FSTL5: variants seen among roughly 807,000 people sequenced by gnomAD.
FSTL5 encodes the protein follistatin like 5.
A neutral mutation model predicts 89.1 loss-of-function variants in FSTL5; 62 were observed. The observed-to-expected ratio is 0.70, with a 90% confidence interval of 0.57 to 0.86. The LOEUF (loss-of-function observed/expected upper bound fraction) is 0.86. Ranked by LOEUF, FSTL5 falls within the 40% of genes least tolerant of loss-of-function variation. The probability of loss-of-function intolerance (pLI) is 0.00; values close to 1 mark genes in which losing one functional copy is unlikely to be tolerated. For missense variants in FSTL5, 1,057 were observed against 1,001.6 expected, an observed-to-expected ratio of 1.06 and a Z score of -0.75; for synonymous variants, 383 against 346.2, an observed-to-expected ratio of 1.11 and a Z score of -1.18.
At chr4:162,069,792 G>A (rs1729526824) in intron 2 of FSTL5, among the ~76,000 whole-genome samples, 2 of 151,820 alleles carry the variant, frequency 1.3e-5, no homozygotes, top group African/African-American at 4.8e-5. Flanking sequence ...CCATTTATCT[G>A]TTGGCAGACA....
intron 6 of FSTL5, among the ~76,000 whole-genome samples, chr4:161,686,338 ATATATATATTTTTTTTTTTTT>A (rs1737739798): frequency 1.3e-4 from 1 of 7,922 alleles, no homozygotes; most frequent in African/African-American, 3.9e-4. Flanking sequence ...ATATATATAT[ATATATATATTTTTTTTTTTTT>A]TTTTTTTTTT....
chr4:161,750,717 TG>T (rs1392065809), intron 6 of FSTL5, among the ~76,000 whole-genome samples: 20 of 152,284 alleles, frequency 1.3e-4, no homozygotes, highest in Non-Finnish European at 2.9e-4. Flanking sequence ...AAAAAATTTC[TG>T]TATGGTCTCA....
chr4:161,472,015 T>G (rs1296224791), intron 13 of FSTL5, among the ~76,000 whole-genome samples: 3 of 151,706 alleles, frequency 2.0e-5, no homozygotes, highest in Non-Finnish European at 4.4e-5. Context: ...CTCGCTCTGT[T>G]GCCCAGGCTG....
chr4:162,123,691 G>C (rs974998638), intron 1 of FSTL5, among the ~76,000 whole-genome samples: 1 of 152,148 alleles, frequency 6.6e-6, no homozygotes, highest in Non-Finnish European at 1.5e-5. Context: ...TGGTTATGTG[G>C]TCAATCATAG....
chr4:161,470,170 C>G (rs921039018), intron 13 of FSTL5, among the ~76,000 whole-genome samples: 3 of 151,882 alleles, frequency 2.0e-5, no homozygotes, highest in African/African-American at 4.8e-5. Context: ...CTTAGATATC[C>G]TTGCCAAATC....
At chr4:161,850,030 G>T (rs1731500448) in intron 4 of FSTL5, among the ~76,000 whole-genome samples, 1 of 152,072 alleles carries the variant, frequency 6.6e-6, no homozygotes, top group African/African-American at 2.4e-5. Context: ...AGATCTCAAA[G>T]GAAATGTTAA....
intron 15 of FSTL5, among the ~76,000 whole-genome samples, chr4:161,421,338 C>A (rs1347966052): frequency 1.5e-5 from 2 of 129,140 alleles, no homozygotes; most frequent in Non-Finnish European, 3.4e-5. Flanking sequence ...AAAAGACTGT[C>A]TCAAAAAAAA....
At chr4:161,449,601 A>G (rs892943533) in intron 15 of FSTL5, among the ~76,000 whole-genome samples, 2 of 152,170 alleles carry the variant, frequency 1.3e-5, no homozygotes, top group Admixed American at 6.6e-5. Flanking sequence ...CTGTATGCCA[A>G]TTGACATCAG....
At position 161,967,012 on chromosome 4, in the gene FSTL5, C is replaced by T. The variant is rs115847199; in HGVS notation, c.161-46360G>A. ...AAGATGGACTTAGTCACAACTTAGA[C>T]ATAACGAGCCTGGTAAACCTCTCAC... On this transcript the variant is annotated intron_variant, in intron 3 of 15. Coordinates refer to ENST00000306100, the MANE Select transcript of FSTL5 (RefSeq NM_020116.5). 9.6e-3 allele frequency among the ~76,000 whole-genome samples: 1,447 copies of T among 150,922 alleles called. 25 individuals are homozygous for T. Among genetic ancestry groups the T allele is most frequent in the African/African-American group, 0.032 (1,313 of 41,088 alleles).
At chr4:162,010,164 A>T (rs1385557533) in intron 3 of FSTL5, among the ~76,000 whole-genome samples, 1 of 152,082 alleles carries the variant, frequency 6.6e-6, no homozygotes, top group Non-Finnish European at 1.5e-5. Flanking sequence ...ATTTCAAAAC[A>T]ACAAGGTTGT....
intron 4 of FSTL5, among the ~76,000 whole-genome samples, chr4:161,882,948 C>T (rs1001189852): frequency 6.6e-6 from 1 of 152,112 alleles, no homozygotes; most frequent in Non-Finnish European, 1.5e-5. Context: ...CCCAAAAAGA[C>T]ATTTCTCCAA....
intron 7 of FSTL5, among the ~76,000 whole-genome samples, chr4:161,608,908 G>A (rs1038372916): frequency 6.6e-6 from 1 of 151,934 alleles, no homozygotes; most frequent in Admixed American, 6.6e-5. Flanking sequence ...CACACCTGTT[G>A]CCTGGTATAT....
In FSTL5 at chr4:161,383,940, A is replaced by G. The variant is rs1235081449; in HGVS notation, c.*1807T>C. The G allele has an allele frequency of 6.6e-6, 1 of 152,188 alleles. No individual in the cohort carries two copies. Among genetic ancestry groups the G allele is most frequent in the South Asian group, 2.1e-4 (1 of 4,836 alleles). 9.4% of individuals were successfully genotyped at this position (152,188 alleles called of 1,614,324 possible). A position where few individuals can be genotyped will look rare whatever the true frequency, so the allele number is the denominator to read the frequency against. On this transcript the variant is annotated 3_prime_UTR_variant, in exon 16 of 16. Coordinates refer to ENST00000306100, the MANE Select transcript of FSTL5 (RefSeq NM_020116.5). ...ATTCTCCTTTTATCAAGCAGTGTCT[A>G]CAGACAGAGCATCCACATGGTGTAA...
chr4:161,592,475 C>A (rs1733854880), intron 7 of FSTL5, among the ~76,000 whole-genome samples: 1 of 150,932 alleles, frequency 6.6e-6, no homozygotes, highest in Non-Finnish European at 1.5e-5. Context: ...TGCCCTGTGT[C>A]CATGTGTTCT....
At chr4:161,947,740 T>C (rs1169383606) in intron 3 of FSTL5, among the ~76,000 whole-genome samples, 4 of 152,276 alleles carry the variant, frequency 2.6e-5, no homozygotes, top group Middle Eastern at 3.4e-3. Flanking sequence ...TTTAGAATCA[T>C]ATTGAAAGCT....
intron 4 of FSTL5, among the ~76,000 whole-genome samples, chr4:161,818,793 T>G (rs1229020125): frequency 6.6e-6 from 1 of 152,234 alleles, no homozygotes. Context: ...CTCTTCTCAG[T>G]AATTATAACA....
chr4:161,842,256 T>C (rs1317397566), intron 4 of FSTL5, among the ~76,000 whole-genome samples: 3 of 152,196 alleles, frequency 2.0e-5, no homozygotes, highest in African/African-American at 7.2e-5. Flanking sequence ...CTTGCTTATA[T>C]AATTTCAAAC....
In FSTL5 at chr4:161,798,738, A is replaced by T. The variant is rs554958153; in HGVS notation, c.410-22664T>A. ...AATCTGGTGATAGGACCCATTTGGAAATCTAAAAAAAAAATTAACTCTCTT... is the reference window on the plus strand; with the variant it reads ...AATCTGGTGATAGGACCCATTTGGATATCTAAAAAAAAAATTAACTCTCTT... On this transcript the variant is annotated intron_variant, in intron 4 of 15. Transcript: ENST00000306100. Among the ~76,000 whole-genome samples the T allele has an allele frequency of 3.3e-5, 5 of 151,806 alleles. No individual in the cohort carries two copies. In the South Asian group the frequency reaches 1.0e-3, roughly 31 times the overall value.
At chr4:161,776,737 A>T (rs1741425756) in intron 4 of FSTL5, among the ~76,000 whole-genome samples, 1 of 151,792 alleles carries the variant, frequency 6.6e-6, no homozygotes, top group Admixed American at 6.6e-5. Flanking sequence ...TATGTACATA[A>T]ATATGTACAT....
Sources: allele counts gnomAD v4.1 joint callset (sites outside exome capture counted in the v4.1 genomes callset), GRCh38; gene constraint gnomAD v4.1.1; transcripts MANE v1.5; gene names NCBI Gene and HGNC (gene_info 2026-07-23, HGNC 2026-07-21).